ARG2: variants seen among roughly 807,000 people sequenced by gnomAD.
The protein encoded by ARG2 is arginase 2.
In ARG2, 21 loss-of-function variants were observed where a neutral mutation model predicts 39.4. That is an observed-to-expected ratio of 0.53 (90% CI 0.38 to 0.77). The LOEUF (loss-of-function observed/expected upper bound fraction) is 0.77. Ranked by LOEUF, ARG2 falls within the 30% of genes least tolerant of loss-of-function variation. ARG2 has a pLI of 0.00. For synonymous variants in ARG2, 150 were observed against 156.7 expected (o/e 0.96, Z 0.32); for missense variants, 378 against 426.2 (o/e 0.89, Z 1.00).
chr14:67,626,903 T>C (rs1321393330), intron 2 of ARG2, among the ~76,000 whole-genome samples: 1 of 152,204 alleles, frequency 6.6e-6, no homozygotes, highest in Non-Finnish European at 1.5e-5. Context: ...TGGAATGAAG[T>C]ACTAATTTAT....
At chr14:67,624,100 G>A (rs1006851505) in intron 2 of ARG2, among the ~76,000 whole-genome samples, 1 of 152,134 alleles carries the variant, frequency 6.6e-6, no homozygotes, top group Non-Finnish European at 1.5e-5. Context: ...AAATGAAAAG[G>A]CATTGCTCTG....
chr14:67,624,579 C>T (rs1041768227), intron 2 of ARG2, among the ~76,000 whole-genome samples: 7 of 152,180 alleles, frequency 4.6e-5, no homozygotes, highest in Admixed American at 2.6e-4. Context: ...CACTTTTAAC[C>T]GGATCTCATG....
chr14:67,624,593 A>G (rs1034470892), intron 2 of ARG2, among the ~76,000 whole-genome samples: 4 of 151,984 alleles, frequency 2.6e-5, no homozygotes, highest in Admixed American at 2.6e-4. Flanking sequence ...TCTCATGAGA[A>G]CTCTATCATG....
rs376794861 is a variant in ARG2 at position 67,650,949 on chromosome 14, A to G, written c.*29A>G. ...ACACTGTGCACTGACATGTTTCACAACAGGCATTCCAGAATTATGAGGCAT... is the reference window on the plus strand; with the variant it reads ...ACACTGTGCACTGACATGTTTCACAGCAGGCATTCCAGAATTATGAGGCAT... On this transcript the variant is annotated 3_prime_UTR_variant, in exon 8 of 8. Coordinates refer to ENST00000261783, the MANE Select transcript of ARG2 (RefSeq NM_001172.4). 2 of 1,602,058 alleles carry G rather than the reference A, an allele frequency of 1.2e-6. No homozygotes were observed. Among genetic ancestry groups the G allele is most frequent in the African/African-American group, 2.7e-5 (2 of 74,808 alleles).
chr14:67,646,933 G>C lies in ARG2; in HGVS notation c.630G>C (p.Lys210Asn). The C allele has an allele frequency of 6.3e-7, 1 of 1,598,978 alleles. No individual in the cohort carries two copies. Among genetic ancestry groups the C allele is most frequent in the East Asian group, 2.2e-5 (1 of 44,822 alleles). ...TATCTCATCACAGTTTTATTTTAAAGAACTATGATATCCAGTATTTTTCCA... is the reference window on the plus strand; with the variant it reads ...TATCTCATCACAGTTTTATTTTAAACAACTATGATATCCAGTATTTTTCCA... ...DVDPPEHFIL[K>N]NYDIQYFSMR... is the part of the protein sequence containing the mutation. The change falls in exon 6 of 8, where the codon AAG becomes AAC. Residue 210 changes from lysine to asparagine, a missense_variant. Physicochemically the swap from Lys to Asn is moderately conservative, Grantham distance 94. Transcript: ENST00000261783.
At chr14:67,634,056 C>T (rs1328736916) in intron 2 of ARG2, among the ~76,000 whole-genome samples, 2 of 152,142 alleles carry the variant, frequency 1.3e-5, no homozygotes, top group Admixed American at 6.5e-5. Context: ...TTTCTGCATT[C>T]CTAGGATTTA....
intron 2 of ARG2, among the ~76,000 whole-genome samples, chr14:67,630,671 C>G (rs2036909697): frequency 6.6e-6 from 1 of 152,172 alleles, no homozygotes; most frequent in African/African-American, 2.4e-5. Flanking sequence ...CCTCCGCCTC[C>G]CAGGTTCAAG....
At chr14:67,627,213 T>C (rs1386345690) in intron 2 of ARG2, among the ~76,000 whole-genome samples, 1 of 149,818 alleles carries the variant, frequency 6.7e-6, no homozygotes, top group Non-Finnish European at 1.5e-5. Flanking sequence ...ATGTGAATTA[T>C]ATCTCAATAA....
rs2037179681 is a variant in ARG2, at chr14:67,651,684, GAC to G, written c.*766_*767del. The G allele has an allele frequency of 1.6e-5, 7 of 437,068 alleles. No homozygotes were observed. The highest frequency in any genetic ancestry group is 2.4e-5 in the Non-Finnish European group (6 of 252,312). 27.1% of individuals were successfully genotyped at this position (437,068 alleles called of 1,614,324 possible). ...CTACCTCACAGAAATGTTAAACTGA[GAC>G]AATAAAAACCAAAGCATAAAAATGG... On this transcript the variant is annotated 3_prime_UTR_variant, in exon 8 of 8. Transcript: ENST00000261783.
intron 2 of ARG2, among the ~76,000 whole-genome samples, chr14:67,631,985 C>G (rs560435359): frequency 6.6e-6 from 1 of 152,180 alleles, no homozygotes; most frequent in Non-Finnish European, 1.5e-5. Context: ...AGTGATTCTT[C>G]CACCTCAGTG....
At chr14:67,646,538 G>A (rs1028392032) in intron 4 of ARG2, 106 bp from the exon 5 acceptor site, 6 of 847,898 alleles carry the variant, frequency 7.1e-6, no homozygotes, top group Non-Finnish European at 1.2e-5. Flanking sequence ...AACTTACCCT[G>A]TGGGTGGCAG....
At chr14:67,639,742 G>A (rs961083309) in intron 2 of ARG2, among the ~76,000 whole-genome samples, 34 of 152,008 alleles carry the variant, frequency 2.2e-4, no homozygotes, top group Admixed American at 1.4e-3. Context: ...CCAACATGGC[G>A]AAACCCTGTC....
intron 6 of ARG2, chr14:67,647,844 G>T (rs1002052259): frequency 1.4e-5 from 8 of 582,718 alleles, no homozygotes; most frequent in Admixed American, 9.3e-5. Flanking sequence ...GCAGTATCAT[G>T]AAGTGGTATG....
intron 1 of ARG2, among the ~76,000 whole-genome samples, chr14:67,620,399 A>T (rs2036796912): frequency 1.3e-5 from 2 of 152,104 alleles, no homozygotes; most frequent in Admixed American, 1.3e-4. Flanking sequence ...GAGAATGAGG[A>T]AGAGGATTCC....
chr14:67,620,301 G>A (rs923811368), intron 1 of ARG2, among the ~76,000 whole-genome samples: 1 of 151,994 alleles, frequency 6.6e-6, no homozygotes, highest in Non-Finnish European at 1.5e-5. Flanking sequence ...GGGGTGGAGG[G>A]CACCCTGTTT....
intron 2 of ARG2, among the ~76,000 whole-genome samples, chr14:67,635,235 C>A (rs1156722425): frequency 1.3e-5 from 2 of 151,902 alleles, no homozygotes; most frequent in Non-Finnish European, 2.9e-5. Flanking sequence ...CAGAGTAAGA[C>A]CATCTCAAAA....
chr14:67,636,743 C>A (rs528932855), intron 2 of ARG2, among the ~76,000 whole-genome samples: 1 of 152,238 alleles, frequency 6.6e-6, no homozygotes, highest in African/African-American at 2.4e-5. Context: ...TACCAGCACT[C>A]AGGAGAGAAG....
At chr14:67,632,050 A>AT (rs1450265234) in intron 2 of ARG2, among the ~76,000 whole-genome samples, 5 of 151,332 alleles carry the variant, frequency 3.3e-5, no homozygotes, top group Admixed American at 1.3e-4. Context: ...AATTTTGTTT[A>AT]TTTTTTTCTT....
chr14:67,622,123 G>T (rs1156654047), intron 2 of ARG2, among the ~76,000 whole-genome samples: 2 of 152,052 alleles, frequency 1.3e-5, no homozygotes, highest in African/African-American at 4.8e-5. Context: ...TGGCAGGAAG[G>T]TTCTTCTTTA....
Sources: allele counts gnomAD v4.1 joint callset (sites outside exome capture counted in the v4.1 genomes callset), GRCh38; gene constraint gnomAD v4.1.1; transcripts MANE v1.5; gene names NCBI Gene and HGNC (gene_info 2026-07-23, HGNC 2026-07-21).